The following LSM1 variants were observed in gnomAD, a reference collection of about 807,000 sequenced individuals.
LSM1 encodes the protein U6 snRNA-associated Sm-like protein LSm1.
In LSM1, 13 loss-of-function variants were observed where a neutral mutation model predicts 18.0. The observed-to-expected ratio is 0.72, with a 90% CI of 0.47 to 1.15. The LOEUF is 1.15. LSM1 is among the 50% of genes most tolerant of loss of function. The probability of loss-of-function intolerance (pLI) is 0.00; values close to 1 mark genes in which losing one functional copy is unlikely to be tolerated. For missense variants in LSM1, 152 were observed against 157.7 expected, an observed-to-expected ratio of 0.96 and a Z score of 0.19; for synonymous variants, 46 against 56.0, an observed-to-expected ratio of 0.82 and a Z score of 0.80.
chr8:38,167,595 T>C (rs1802956142), intron 3 of LSM1, among the ~76,000 whole-genome samples: 1 of 152,180 alleles, frequency 6.6e-6, no homozygotes, highest in African/African-American at 2.4e-5. Flanking sequence ...TGCCTCGGCC[T>C]CCCAAAGTAC....
intron 1 of LSM1, among the ~76,000 whole-genome samples, chr8:38,175,066 T>C (rs1302930250): frequency 6.8e-6 from 1 of 147,392 alleles, no homozygotes; most frequent in African/African-American, 2.5e-5. Context: ...AAAAAAGATC[T>C]GTCAACCATA....
intron 2 of LSM1, 148 bp downstream of exon 2, chr8:38,171,817 G>C (rs1803035044): frequency 3.1e-6 from 2 of 643,964 alleles, no homozygotes; most frequent in Non-Finnish European, 2.7e-6. Flanking sequence ...TGAATGTATA[G>C]AAAACAATGA....
intron 3 of LSM1, among the ~76,000 whole-genome samples, chr8:38,165,741 C>T (rs1802916856): frequency 6.6e-6 from 1 of 151,088 alleles, no homozygotes; most frequent in Admixed American, 6.6e-5. Flanking sequence ...ATTAGCTGGG[C>T]GTGGTAACGT....
chr8:38,163,333 T>C (rs1245285718), downstream of LSM1: 1 of 196,934 alleles, frequency 5.1e-6, no homozygotes, highest in Non-Finnish European at 1.1e-5. Flanking sequence ...GGAAATAACA[T>C]GACACTTTTG....
chr8:38,163,762 G>A lies in LSM1; in HGVS notation c.310C>T (p.Gln104Ter). ...EILEEQRVEQ[Q>*]TKLEAEKLKV... Reference sequence around the variant, plus strand: ...AACTTCTCTGCTTCCAGCTTGGTCTGCTGTTCCACCCTTTGTTCTTCTAGA... The same window carrying A: ...AACTTCTCTGCTTCCAGCTTGGTCTACTGTTCCACCCTTTGTTCTTCTAGA... The change falls in exon 4 of 4, where the codon CAG becomes TAG. Residue 104 changes from glutamine to a stop codon, truncating the protein, a stop_gained. Coordinates refer to ENST00000311351, the MANE Select transcript of LSM1 (RefSeq NM_014462.3). LOFTEE classifies it high-confidence loss of function. 1 of 1,614,142 alleles carries A rather than the reference G, an allele frequency of 6.2e-7. No individual in the cohort carries two copies. The highest frequency in any genetic ancestry group is 8.5e-7 in the Non-Finnish European group (1 of 1,180,000).
At chr8:38,173,053 A>C (rs1242145416) in intron 1 of LSM1, among the ~76,000 whole-genome samples, 1 of 152,238 alleles carries the variant, frequency 6.6e-6, no homozygotes, top group East Asian at 1.9e-4. Flanking sequence ...TACAGAAGGA[A>C]GGGTGGCAAG....
At chr8:38,174,740 C>T (rs1230770371) in intron 1 of LSM1, among the ~76,000 whole-genome samples, 2 of 152,146 alleles carry the variant, frequency 1.3e-5, no homozygotes, top group South Asian at 2.1e-4. Context: ...AATGATCTGT[C>T]GGCCGGAGGC....
At chr8:38,171,846 T>C (rs926488437) in intron 2 of LSM1, 119 bp downstream of exon 2, 1 of 719,932 alleles carries the variant, frequency 1.4e-6, no homozygotes, top group Non-Finnish European at 2.4e-6. Flanking sequence ...CTAAAATCAG[T>C]CCTACTAGGT....
intron 2 of LSM1, chr8:38,171,032 TA>T (rs1176796845): frequency 2.3e-6 from 1 of 431,486 alleles, no homozygotes; most frequent in Admixed American, 2.6e-5. Flanking sequence ...GAAGGAAACA[TA>T]ATCTTTTAAC....
Position 38,163,669 on chromosome 8 carries a change from AT to A in LSM1, c.402del (p.Ter134TyrfsTer17). 6.2e-7 allele frequency: 1 copy of A among 1,614,084 alleles called. No homozygotes were observed. Among genetic ancestry groups the A allele is most frequent in the Non-Finnish European group, 8.5e-7 (1 of 1,180,010 alleles). On this transcript the variant is annotated frameshift_variant and stop_lost, in exon 4 of 4. Coordinates refer to ENST00000311351, the MANE Select transcript of LSM1 (RefSeq NM_014462.3). LOFTEE classifies it high-confidence loss of function. ...IPRADTLDEY[*>X] ...AGAGCCAACAGCCTCTGGGCAAAAG[AT>A]TAGTACTCATCAAGAGTATCTGCTC... is the stretch of plus-strand genomic sequence containing the variant.
At chr8:38,175,540 T>A (rs1563276649) in intron 1 of LSM1, among the ~76,000 whole-genome samples, 1 of 152,054 alleles carries the variant, frequency 6.6e-6, no homozygotes, top group African/African-American at 2.4e-5. Flanking sequence ...AGACGGAATT[T>A]AGAAAAAAGG....
At chr8:38,175,011 G>C (rs1803098596) in intron 1 of LSM1, among the ~76,000 whole-genome samples, 2 of 116,306 alleles carry the variant, frequency 1.7e-5, no homozygotes, top group Admixed American at 1.0e-4. Context: ...GGGCGACAGA[G>C]CAAGACTCTG....
At chr8:38,176,177 C>T (rs1803139020) in intron 1 of LSM1, 98 bp downstream of exon 1, 2 of 1,029,652 alleles carry the variant, frequency 1.9e-6, no homozygotes, top group South Asian at 1.4e-5. Flanking sequence ...CACACCGGCC[C>T]CGCCCGGGAC....
chr8:38,168,828 A>T (rs1802980876), intron 3 of LSM1, among the ~76,000 whole-genome samples: 1 of 151,896 alleles, frequency 6.6e-6, no homozygotes, highest in Non-Finnish European at 1.5e-5. Flanking sequence ...CAGTATTGAT[A>T]GTCTGGATTA....
At chr8:38,168,878 A>G (rs928226458) in intron 3 of LSM1, among the ~76,000 whole-genome samples, 1 of 152,106 alleles carries the variant, frequency 6.6e-6, no homozygotes, top group African/African-American at 2.4e-5. Flanking sequence ...CTCTGAACCA[A>G]CCCAACCCTA....
intron 3 of LSM1, among the ~76,000 whole-genome samples, chr8:38,166,564 A>G (rs1802934539): frequency 6.6e-6 from 1 of 152,108 alleles, no homozygotes; most frequent in Non-Finnish European, 1.5e-5. Context: ...CCTGTTTCTT[A>G]CCCTCCTCTA....
chr8:38,170,589 T>C (rs1041013304), intron 2 of LSM1, among the ~76,000 whole-genome samples: 2 of 152,212 alleles, frequency 1.3e-5, no homozygotes, highest in Non-Finnish European at 1.5e-5. Flanking sequence ...TTTTGTTTTC[T>C]GGAAAGAAAC....
chr8:38,163,807 G>C lies in LSM1; in HGVS notation c.265C>G (p.Gln89Glu), dbSNP rs569027177. 1.9e-6 allele frequency: 3 copies of C among 1,614,144 alleles called. No homozygotes were observed. The South Asian group carries it at 3.3e-5, about 18-fold the overall frequency. ...TCTAGAATTTCTTCAATGGATACTT[G>C]CTGGAGGGGTGTGTCACTCTCCTTT... ...LEKESDTPLQQVSIEEILEEQ... is the reference protein window; with the variant it reads ...LEKESDTPLQEVSIEEILEEQ... The change falls in exon 4 of 4, where the codon CAA becomes GAA. Residue 89 changes from glutamine to glutamate, a missense_variant. By Grantham distance (29) the Gln-to-Glu change is conservative. Coordinates refer to ENST00000311351, the MANE Select transcript of LSM1 (RefSeq NM_014462.3).
intron 1 of LSM1, among the ~76,000 whole-genome samples, chr8:38,172,547 C>G (rs1803050488): frequency 6.6e-6 from 1 of 152,086 alleles, no homozygotes; most frequent in African/African-American, 2.4e-5. Context: ...GTCTCAAACT[C>G]CTGACTTCAG....
Sources: allele counts gnomAD v4.1 joint callset (sites outside exome capture counted in the v4.1 genomes callset), GRCh38; gene constraint gnomAD v4.1.1; transcripts MANE v1.5; gene names NCBI Gene and HGNC (gene_info 2026-07-23, HGNC 2026-07-21).